Variants in OCA2 observed in about 807,000 individuals in gnomAD.
OCA2 encodes the protein P protein.
OCA2 carries 77 observed loss-of-function variants against 100.2 expected under a neutral mutation model. That is an observed-to-expected ratio of 0.77 (90% CI 0.64 to 0.93). The LOEUF (loss-of-function observed/expected upper bound fraction) is 0.93. OCA2 is among the 40% of genes least tolerant of loss of function. The pLI, the probability that OCA2 is intolerant of heterozygous loss-of-function variation, is 0.00. For synonymous variants in OCA2, 432 were observed against 439.2 expected, an observed-to-expected ratio of 0.98 and a Z score of 0.21; for missense variants, 1,062 against 1,089.1, an observed-to-expected ratio of 0.98 and a Z score of 0.35.
At chr15:27,834,060 G>T (rs115825000) in intron 23 of OCA2, among the ~76,000 whole-genome samples, 1 of 152,178 alleles carries the variant, frequency 6.6e-6, no homozygotes, top group African/African-American at 2.4e-5. Context: ...GCTCTTGGGG[G>T]CCCTAGATGG....
At chr15:27,882,806 G>C (rs918075015) in intron 19 of OCA2, among the ~76,000 whole-genome samples, 1 of 152,126 alleles carries the variant, frequency 6.6e-6, no homozygotes, top group African/African-American at 2.4e-5. Flanking sequence ...TGTATCACAC[G>C]TGTATCATCC....
chr15:27,936,604 C>A (rs1191538727), intron 18 of OCA2, among the ~76,000 whole-genome samples: 2 of 152,160 alleles, frequency 1.3e-5, no homozygotes, highest in African/African-American at 4.8e-5. Flanking sequence ...GTGTGTATTA[C>A]CTGATTCAAT....
In OCA2 at chr15:27,851,368, C is replaced by CA. The variant is rs1361330740; in HGVS notation, c.2338+13dup. 2.5e-6 allele frequency: 4 copies of CA among 1,611,102 alleles called. No individual in the cohort carries two copies. Among genetic ancestry groups the CA allele is most frequent in the Non-Finnish European group, 3.4e-6 (4 of 1,177,948 alleles). ...GCGTGCACCCCCACCCCCATGCAGT[C>CA]AGCAGCCCCTTACCTCCCAGGCAAG... On this transcript the variant is annotated intron_variant, in intron 22 of 23. Transcript: ENST00000354638.
intron 23 of OCA2, among the ~76,000 whole-genome samples, chr15:27,829,722 G>A (rs778598061): frequency 8.5e-5 from 13 of 152,176 alleles, no homozygotes; most frequent in Non-Finnish European, 1.9e-4. Flanking sequence ...CCTCAGCATC[G>A]CTAATCTACA....
At chr15:27,857,996 A>G (rs1039696010) in intron 21 of OCA2, among the ~76,000 whole-genome samples, 1 of 152,138 alleles carries the variant, frequency 6.6e-6, no homozygotes, top group African/African-American at 2.4e-5. Flanking sequence ...TCAAAACTGT[A>G]CACTACAAAA....
intron 1 of OCA2, among the ~76,000 whole-genome samples, chr15:28,089,837 G>A (rs2044842610): frequency 6.6e-6 from 1 of 152,158 alleles, no homozygotes; most frequent in Admixed American, 6.5e-5. Context: ...ACTACTTATT[G>A]AGGACTGTGC....
intron 23 of OCA2, among the ~76,000 whole-genome samples, chr15:27,783,668 G>A (rs1439047218): frequency 6.6e-6 from 1 of 152,236 alleles, no homozygotes; most frequent in Non-Finnish European, 1.5e-5. Context: ...GAACTAGCAA[G>A]AGAAGAGAAC....
chr15:27,751,773 C>G (rs911502416), downstream of OCA2, among the ~76,000 whole-genome samples: 3 of 152,190 alleles, frequency 2.0e-5, no homozygotes, highest in Non-Finnish European at 2.9e-5. Flanking sequence ...ACCTCAGGAT[C>G]TGAATGAAGT....
chr15:28,086,915 A>G (rs2044785149), intron 1 of OCA2, among the ~76,000 whole-genome samples: 1 of 152,224 alleles, frequency 6.6e-6, no homozygotes, highest in Non-Finnish European at 1.5e-5. Flanking sequence ...AAAACAATTT[A>G]TCAGAACCTC....
intron 2 of OCA2, among the ~76,000 whole-genome samples, chr15:28,045,845 A>G (rs1323158010): frequency 6.6e-6 from 1 of 152,234 alleles, no homozygotes; most frequent in Non-Finnish European, 1.5e-5. Context: ...GTGTTGTGCT[A>G]TCATCACTCT....
chr15:27,911,518 C>T (rs557275576), intron 19 of OCA2, among the ~76,000 whole-genome samples: 199 of 152,286 alleles, frequency 1.3e-3, no homozygotes, highest in South Asian at 5.6e-3. Flanking sequence ...TGACGAGGAC[C>T]TCCGGCTGCT....
At chr15:27,760,569 GGACT>G (rs1284576054) in intron 23 of OCA2, among the ~76,000 whole-genome samples, 2 of 151,644 alleles carry the variant, frequency 1.3e-5, no homozygotes, top group East Asian at 1.9e-4. Context: ...GCTTCTAGAA[GGACT>G]GACAAGTAAA....
In OCA2 at chr15:27,954,896, C is replaced by T. The variant is rs728404; in HGVS notation, c.1842+262G>A. Among the ~76,000 whole-genome samples the T allele has an allele frequency of 0.15, 23,079 of 152,200 alleles. 3,480 individuals carry two copies. Among genetic ancestry groups the T allele is most frequent in the East Asian group, 0.86 (4,424 of 5,160 alleles). ...GGGCTGGTGGTCAGGGACACCCGCT[C>T]AGAGGGCGGGCCCTGCAACGTGCAG... On this transcript the variant is annotated intron_variant, in intron 17 of 23. Transcript: ENST00000354638.
At chr15:27,882,690 T>G (rs1255136074) in intron 19 of OCA2, among the ~76,000 whole-genome samples, 1 of 151,952 alleles carries the variant, frequency 6.6e-6, no homozygotes, top group African/African-American at 2.4e-5. Flanking sequence ...CTTCTGGAGA[T>G]TATTATTTTT....
chr15:27,797,970 G>A (rs1385811585), intron 23 of OCA2, among the ~76,000 whole-genome samples: 1 of 152,238 alleles, frequency 6.6e-6, no homozygotes, highest in East Asian at 1.9e-4. Context: ...GAGCTGACCT[G>A]AGACAGCAGC....
At chr15:27,847,677 G>A (rs1029990932) in intron 22 of OCA2, among the ~76,000 whole-genome samples, 3 of 152,226 alleles carry the variant, frequency 2.0e-5, no homozygotes, top group East Asian at 3.8e-4. Context: ...GTCCGCCAGT[G>A]CAACAGAAGG....
chr15:28,022,385 G>T, intron 6 of OCA2, 116 bp downstream of exon 6: 1 of 743,748 alleles, frequency 1.3e-6, no homozygotes, highest in South Asian at 1.4e-5. Flanking sequence ...AACAAAATTC[G>T]AGTGGTAATG....
chr15:27,905,332 G>A (rs539154791), intron 19 of OCA2, among the ~76,000 whole-genome samples: 2 of 152,324 alleles, frequency 1.3e-5, no homozygotes, highest in African/African-American at 4.8e-5. Context: ...AACCCCAAAA[G>A]TGTAAAATAT....
intron 23 of OCA2, among the ~76,000 whole-genome samples, chr15:27,785,027 A>C (rs1316066640): frequency 6.6e-6 from 1 of 152,200 alleles, no homozygotes; most frequent in Non-Finnish European, 1.5e-5. Flanking sequence ...CAAACAAATC[A>C]AAACCAAACC....
Sources: allele counts gnomAD v4.1 joint callset (sites outside exome capture counted in the v4.1 genomes callset), GRCh38; gene constraint gnomAD v4.1.1; transcripts MANE v1.5; gene names NCBI Gene and HGNC (gene_info 2026-07-23, HGNC 2026-07-21).